TSPO2: variants seen among roughly 807,000 people sequenced by gnomAD.
TSPO2 encodes benzodiazapine receptor (peripheral)-like 1.
Under a neutral mutation model 13.3 loss-of-function variants are expected in TSPO2, and 15 were observed. The observed-to-expected ratio is 1.13, with a 90% CI of 0.75 to 1.73. The LOEUF (loss-of-function observed/expected upper bound fraction) is 1.73, where lower values mean the gene tolerates loss of function less well. Among genes scored for constraint, TSPO2 ranks in the 40% most tolerant of loss-of-function variants. The pLI, the probability that TSPO2 is intolerant of heterozygous loss-of-function variation, is 0.00. For synonymous variants in TSPO2, 81 were observed against 91.6 expected (o/e 0.88, Z 0.66); for missense variants, 202 against 198.3 (o/e 1.02, Z -0.11).
chr6:41,043,905 C>T (rs1033136281), intron 3 of TSPO2, 35 bp from the exon 4 acceptor site: 30 of 1,597,278 alleles, frequency 1.9e-5, no homozygotes, highest in African/African-American at 2.7e-5. Flanking sequence ...TGCTGGTTCT[C>T]GGGCAGCCAG....
At chr6:41,041,763 G>C (rs1762592069), upstream of TSPO2, among the ~76,000 whole-genome samples, 1 of 152,204 alleles carries the variant, frequency 6.6e-6, no homozygotes. Context: ...ATCACCTGAG[G>C]TCAGGAGTTC....
At chr6:41,043,376 C>T (rs568520532) in intron 2 of TSPO2, among the ~76,000 whole-genome samples, 181 bp from the exon 3 acceptor site, 1 of 152,268 alleles carries the variant, frequency 6.6e-6, no homozygotes, top group South Asian at 2.1e-4. Context: ...CCAGCCCCTC[C>T]TCCACCTCAC....
chr6:41,044,122 G>T lies in TSPO2; in HGVS notation c.498G>T (p.Thr166=). The T allele has an allele frequency of 6.2e-7, 1 of 1,614,138 alleles. No individual in the cohort carries two copies. The highest frequency in any genetic ancestry group is 8.5e-7 in the Non-Finnish European group (1 of 1,180,016). The part of the protein sequence containing the change: ...SLCPVHQPQP[T]EKSD ...GTCCAGTGCACCAGCCTCAGCCCACGGAGAAGAGTGACTGAGGCCCTAGGG... is the reference window on the plus strand; with the variant it reads ...GTCCAGTGCACCAGCCTCAGCCCACTGAGAAGAGTGACTGAGGCCCTAGGG... The change falls in exon 4 of 4, where the codon ACG becomes ACT. Residue 166 remains threonine, a synonymous_variant. Coordinates refer to ENST00000373161, the MANE Select transcript of TSPO2 (RefSeq NM_001010873.3).
At chr6:41,043,437 A>G in intron 2 of TSPO2, 120 bp from the exon 3 acceptor site, 1 of 1,338,938 alleles carries the variant, frequency 7.5e-7, no homozygotes, top group Non-Finnish European at 1.0e-6. Context: ...CATGATGCCT[A>G]AACCCATCTG....
rs1195882727 is a variant in TSPO2 at position 41,044,315 on chromosome 6, A to G, written c.*178A>G. The G allele has an allele frequency of 1.6e-6, 1 of 620,326 alleles. No homozygotes were observed. The highest frequency in any genetic ancestry group is 2.8e-5 in the East Asian group (1 of 36,272). The allele number at this position is 620,326 out of a possible 1,614,324, so 38.4% of individuals were successfully genotyped here. A position where few individuals can be genotyped will look rare whatever the true frequency, so the allele number is the denominator to read the frequency against. ...GAAACTGATTTTACACTTAAATAAT[A>G]AAATCCTATTAGTAACTCTGAAGGT... On this transcript the variant is annotated 3_prime_UTR_variant, in exon 4 of 4. Coordinates refer to ENST00000373161, the MANE Select transcript of TSPO2 (RefSeq NM_001010873.3).
Position 41,042,956 on chromosome 6 carries a change from G to T in TSPO2, c.-20-10G>T. 1 of 1,612,548 alleles carries T rather than the reference G, an allele frequency of 6.2e-7. No individual in the cohort carries two copies. Among genetic ancestry groups the T allele is most frequent in the Non-Finnish European group, 8.5e-7 (1 of 1,179,050 alleles). ...AAGGCTCATCACTAGCATGTTCTCT[G>T]CCTCCCCAGATTTTGCCTCTTCAAG... On this transcript the variant is annotated splice_polypyrimidine_tract_variant and intron_variant, in intron 1 of 3. Coordinates refer to ENST00000373161, the MANE Select transcript of TSPO2 (RefSeq NM_001010873.3).
chr6:41,044,282 A>C lies in TSPO2; in HGVS notation c.*145A>C. 1.4e-6 allele frequency: 1 copy of C among 707,880 alleles called. No individual in the cohort carries two copies. Among genetic ancestry groups the C allele is most frequent in the Non-Finnish European group, 2.4e-6 (1 of 421,684 alleles). The allele number at this position is 707,880 out of a possible 1,614,324, so 43.8% of individuals were successfully genotyped here. On this transcript the variant is annotated 3_prime_UTR_variant, in exon 4 of 4. Coordinates refer to ENST00000373161, the MANE Select transcript of TSPO2 (RefSeq NM_001010873.3). The stretch of plus-strand genomic sequence containing the variant: ...TTCCTTAGAAATCAGAGAAATGGGA[A>C]AGGGGGGGAAACTGATTTTACACTT...
In TSPO2 at chr6:41,044,218, C is replaced by A; in HGVS notation, c.*81C>A. The A allele has an allele frequency of 6.9e-7, 1 of 1,445,152 alleles. No individual in the cohort carries two copies. Among genetic ancestry groups the A allele is most frequent in the Non-Finnish European group, 9.6e-7 (1 of 1,039,858 alleles). 89.5% of individuals were successfully genotyped at this position (1,445,152 alleles called of 1,614,324 possible). ...GCAGGGCTGTGGAGTTAGGGTTCACCCCAATGGGACCACCCTCCTGGGTCC... is the reference window on the plus strand; with the variant it reads ...GCAGGGCTGTGGAGTTAGGGTTCACACCAATGGGACCACCCTCCTGGGTCC... On this transcript the variant is annotated 3_prime_UTR_variant, in exon 4 of 4. Coordinates refer to ENST00000373161, the MANE Select transcript of TSPO2 (RefSeq NM_001010873.3).
intron 2 of TSPO2, 96 bp from the exon 3 acceptor site, chr6:41,043,461 C>A: frequency 6.8e-7 from 1 of 1,465,980 alleles, no homozygotes; most frequent in Non-Finnish European, 9.2e-7. Context: ...CCATTTCAGC[C>A]CACAAGGGTA....
At position 41,043,660 on chromosome 6, in the gene TSPO2, G is replaced by A. The variant is rs759698459; in HGVS notation, c.277G>A (p.Val93Ile). 6.2e-7 allele frequency: 1 copy of A among 1,612,276 alleles called. No homozygotes were observed. The highest frequency in any genetic ancestry group is 8.5e-7 in the Non-Finnish European group (1 of 1,178,954). ...TGTTCAGCTCACCATCAGCTGGACT[G>A]TCCTGGTTCTCTTTTTCACAGTCCA... ...YAVQLTISWT[V>I]LVLFFTVHNP... The change falls in exon 3 of 4, where the codon GTC (valine) becomes ATC (isoleucine). Residue 93 changes from valine (V) to isoleucine (I), a missense_variant. Transcript: ENST00000373161.
Position 41,044,068 on chromosome 6 carries a change from C to G in TSPO2, c.444C>G (p.Leu148=), listed in dbSNP as rs1372665013. 1 of 1,614,224 alleles carries G rather than the reference C, an allele frequency of 6.2e-7. No individual in the cohort carries two copies. The highest frequency in any genetic ancestry group is 1.7e-5 in the Admixed American group (1 of 60,036). Residue 148 remains leucine (L), a synonymous_variant, in exon 4 of 4, where the codon CTC becomes CTG. Coordinates refer to ENST00000373161, the MANE Select transcript of TSPO2 (RefSeq NM_001010873.3). ...CCTGGCTCACCGTGACTTCAGCCCT[C>G]ACCTACCACCTGTGGAGGGACAGCC... is the stretch of plus-strand genomic sequence containing the variant. The part of the protein sequence containing the change: ...YLAWLTVTSA[L]TYHLWRDSLC...
rs1762628252 is a variant in TSPO2, at chr6:41,043,666, G to A, written c.283G>A (p.Val95Ile). ...GCTCACCATCAGCTGGACTGTCCTG[G>A]TTCTCTTTTTCACAGTCCACAACCC... Reference protein sequence around the residue: ...VQLTISWTVLVLFFTVHNPGL... With the variant: ...VQLTISWTVLILFFTVHNPGL... The change falls in exon 3 of 4, where the codon GTT becomes ATT. Residue 95 changes from valine (V) to isoleucine (I), a missense_variant. By Grantham distance (29) the Val-to-Ile change is conservative (BLOSUM62 3). Transcript: ENST00000373161. 3.7e-6 allele frequency: 6 copies of A among 1,611,752 alleles called. No individual in the cohort carries two copies. The highest frequency in any genetic ancestry group is 1.7e-5 in the Admixed American group (1 of 59,698).
rs1387463545 is a variant in TSPO2 at position 41,042,577 on chromosome 6, C to T, written c.-222C>T. Reference sequence around the variant, plus strand: ...AGATCAGCTTAGGTAGAACAGTTCTCGGTGAGGGCCAGCTACATACCTGGC... The same window carrying T: ...AGATCAGCTTAGGTAGAACAGTTCTTGGTGAGGGCCAGCTACATACCTGGC... On this transcript the variant is annotated 5_prime_UTR_variant, in exon 1 of 4. Coordinates refer to ENST00000373161, the MANE Select transcript of TSPO2 (RefSeq NM_001010873.3). 5.1e-6 allele frequency: 2 copies of T among 389,866 alleles called. No individual in the cohort carries two copies. Among genetic ancestry groups the T allele is most frequent in the African/African-American group, 2.1e-5 (1 of 47,832 alleles). The allele number at this position is 389,866 out of a possible 1,614,324, so 24.2% of individuals were successfully genotyped here.
chr6:41,044,123 G>A lies in TSPO2; in HGVS notation c.499G>A (p.Glu167Lys), dbSNP rs1256542915. 6.2e-7 allele frequency: 1 copy of A among 1,614,132 alleles called. No individual in the cohort carries two copies. The highest frequency in any genetic ancestry group is 8.5e-7 in the Non-Finnish European group (1 of 1,180,028). ...LCPVHQPQPTEKSD is the reference protein window; with the variant it reads ...LCPVHQPQPTKKSD ...TCCAGTGCACCAGCCTCAGCCCACGGAGAAGAGTGACTGAGGCCCTAGGGC... is the reference window on the plus strand; with the variant it reads ...TCCAGTGCACCAGCCTCAGCCCACGAAGAAGAGTGACTGAGGCCCTAGGGC... The change falls in exon 4 of 4, where the codon GAG (glutamate) becomes AAG (lysine). Residue 167 changes from glutamate (E) to lysine (K), a missense_variant. Coordinates refer to ENST00000373161, the MANE Select transcript of TSPO2 (RefSeq NM_001010873.3).
rs771607474 is a variant in TSPO2, at chr6:41,043,004, A to C, written c.19A>C (p.Ile7Leu). ...AAGGTGAATGCGGCTTCAAGGGGCT[A>C]TCTTTGTGCTCCTGCCCCACCTGGG... MRLQGA[I>L]FVLLPHLGPI... Residue 7 changes from isoleucine to leucine, a missense_variant, in exon 2 of 4, where the codon ATC becomes CTC. By Grantham distance (5) the Ile-to-Leu change is conservative (BLOSUM62 2). Coordinates refer to ENST00000373161, the MANE Select transcript of TSPO2 (RefSeq NM_001010873.3). 6.2e-7 allele frequency: 1 copy of C among 1,613,944 alleles called. No individual in the cohort carries two copies. Among genetic ancestry groups the C allele is most frequent in the Non-Finnish European group, 8.5e-7 (1 of 1,179,894 alleles).
chr6:41,044,190 C>A lies in TSPO2; in HGVS notation c.*53C>A. ...GCCCAGGGTGGGGAGGAAGAGTCTG[C>A]AAGCAGGGCTGTGGAGTTAGGGTTC... On this transcript the variant is annotated 3_prime_UTR_variant, in exon 4 of 4. Coordinates refer to ENST00000373161, the MANE Select transcript of TSPO2 (RefSeq NM_001010873.3). The A allele has an allele frequency of 1.3e-6, 2 of 1,592,498 alleles. No homozygotes were observed. The highest frequency in any genetic ancestry group is 1.7e-6 in the Non-Finnish European group (2 of 1,162,920).
In TSPO2 at chr6:41,044,087, G is replaced by T. The variant is rs1762639601; in HGVS notation, c.463G>T (p.Asp155Tyr). 5.0e-6 allele frequency: 8 copies of T among 1,614,170 alleles called. No homozygotes were observed. In the East Asian group the frequency reaches 1.6e-4, roughly 31 times the overall value. ...TSALTYHLWR[D>Y]SLCPVHQPQP... ...AGCCCTCACCTACCACCTGTGGAGGGACAGCCTTTGTCCAGTGCACCAGCC... is the reference window on the plus strand; with the variant it reads ...AGCCCTCACCTACCACCTGTGGAGGTACAGCCTTTGTCCAGTGCACCAGCC... The change falls in exon 4 of 4, where the codon GAC (aspartate) becomes TAC (tyrosine). Residue 155 changes from aspartate to tyrosine, a missense_variant. Physicochemically the swap from Asp to Tyr is radical, Grantham distance 160. Transcript: ENST00000373161.
chr6:41,043,905 C>G (rs1033136281), intron 3 of TSPO2, 35 bp from the exon 4 acceptor site: 1 of 1,597,402 alleles, frequency 6.3e-7, no homozygotes, highest in East Asian at 2.2e-5. Flanking sequence ...TGCTGGTTCT[C>G]GGGCAGCCAG....
At chr6:41,043,198 G>A in intron 2 of TSPO2, 40 bp downstream of exon 2, 1 of 1,578,074 alleles carries the variant, frequency 6.3e-7, no homozygotes, top group Non-Finnish European at 8.6e-7. Context: ...GGTACCCAAT[G>A]GGGTGGGAAC....
Sources: gnomAD v4.1 joint callset for allele counts (sites outside exome capture counted in the v4.1 genomes callset) on GRCh38, gnomAD v4.1.1 for gene constraint, MANE v1.5 for transcripts, NCBI Gene and HGNC (gene_info 2026-07-23, HGNC 2026-07-21) for gene names.